Variants in RYR2 observed in about 807,000 individuals in gnomAD.
The protein encoded by RYR2 is ryanodine receptor 2, also known as cardiac muscle ryanodine receptor-calcium release channel.
In RYR2, 227 loss-of-function variants were observed where a neutral mutation model predicts 601.1. The ratio of observed to expected loss-of-function variants is 0.38; its 90% CI spans 0.34 to 0.42. The LOEUF is 0.42. RYR2 is among the 10% of genes least tolerant of loss of function. The probability of loss-of-function intolerance (pLI) is 1.00; values close to 1 mark genes in which losing one functional copy is unlikely to be tolerated. For synonymous variants in RYR2, 2,223 were observed against 2,175.1 expected (o/e 1.02, Z -0.61); for missense variants, 4,646 against 6,156.5 (o/e 0.75, Z 8.21).
Position 237,733,772 on chromosome 1 carries a change from T to G in RYR2, c.11091+16T>G, listed in dbSNP as rs769904090. 2 of 1,529,582 alleles carry G rather than the reference T, an allele frequency of 1.3e-6. No homozygotes were observed. Among genetic ancestry groups the G allele is most frequent in the Non-Finnish European group, 1.8e-6 (2 of 1,104,998 alleles). 94.8% of individuals were successfully genotyped at this position (1,529,582 alleles called of 1,614,324 possible). ...TATGGCAAAGGTAAATAAGTATCCT[T>G]CCTGATTTTCATGTTTAATTTTAAT... On this transcript the variant is annotated intron_variant, in intron 79 of 104. Transcript: ENST00000366574.
intron 1 of RYR2, among the ~76,000 whole-genome samples, chr1:237,154,256 C>A (rs1294732313): frequency 6.6e-6 from 1 of 152,196 alleles, no homozygotes; most frequent in Non-Finnish European, 1.5e-5. Flanking sequence ...TGGTTTGGTA[C>A]TCCATTGTTA....
At chr1:237,573,653 A>G (rs1451964694) in intron 29 of RYR2, among the ~76,000 whole-genome samples, 1 of 150,974 alleles carries the variant, frequency 6.6e-6, no homozygotes, top group East Asian at 2.0e-4. Flanking sequence ...TCTACTAAAA[A>G]TACAAAAAAT....
chr1:237,668,601 A>T (rs1022047692), intron 58 of RYR2, among the ~76,000 whole-genome samples: 2 of 152,206 alleles, frequency 1.3e-5, no homozygotes, highest in African/African-American at 4.8e-5. Flanking sequence ...CTTTCCCCTG[A>T]TAGGAATATA....
At chr1:237,827,627 CAA>C (rs55896893) in intron 101 of RYR2, among the ~76,000 whole-genome samples, 38 of 79,446 alleles carry the variant, frequency 4.8e-4, no homozygotes, top group African/African-American at 1.6e-3. Flanking sequence ...AAGACTGTCT[CAA>C]AAAAAAAAAA....
At position 237,180,494 on chromosome 1, in the gene RYR2, T is replaced by C. The variant is rs950367782; in HGVS notation, c.49-90003T>C. Among the ~76,000 whole-genome samples, 7 of 151,920 alleles carry C rather than the reference T, an allele frequency of 4.6e-5. No individual in the cohort carries two copies. The highest frequency in any genetic ancestry group is 1.5e-4 in the African/African-American group (6 of 41,364). On this transcript the variant is annotated intron_variant, in intron 1 of 104. Coordinates refer to ENST00000366574, the MANE Select transcript of RYR2 (RefSeq NM_001035.3). This position sits in a 1 kb window ranked among gnomAD's most constrained non-coding sequence, Gnocchi z 5.3. ...CCTTGGACACTTTCCCAACTTTTGA[T>C]CTTTCAGTGCAACCCTTCTTTTTCT...
At chr1:237,328,027 G>A (rs571735316) in intron 2 of RYR2, among the ~76,000 whole-genome samples, 1 of 152,302 alleles carries the variant, frequency 6.6e-6, no homozygotes, top group African/African-American at 2.4e-5. Context: ...CTTAGACACT[G>A]CCAAGGGTTG....
At chr1:237,333,477 C>T (rs529352523) in intron 3 of RYR2, 34 of 375,590 alleles carry the variant, frequency 9.1e-5, no homozygotes, top group East Asian at 2.2e-4. Flanking sequence ...GGAGGTAGCC[C>T]GAGCAACGGG....
intron 3 of RYR2, among the ~76,000 whole-genome samples, chr1:237,346,495 T>C (rs1558659727): frequency 6.6e-6 from 1 of 152,184 alleles, no homozygotes; most frequent in Non-Finnish European, 1.5e-5. Context: ...CTTAGTTCTT[T>C]ATTACCTAGT....
At chr1:237,069,425 T>C (rs1414714213) in intron 1 of RYR2, among the ~76,000 whole-genome samples, 1 of 152,130 alleles carries the variant, frequency 6.6e-6, no homozygotes, top group Non-Finnish European at 1.5e-5. Context: ...GCACAGCAAG[T>C]TGGACATTTA....
At chr1:237,656,409 A>G (rs1352903432) in intron 53 of RYR2, among the ~76,000 whole-genome samples, 1 of 152,216 alleles carries the variant, frequency 6.6e-6, no homozygotes, top group African/African-American at 2.4e-5. Context: ...ACTACATCTC[A>G]GCAAGGCCCA....
chr1:237,071,823 C>T lies in RYR2; in HGVS notation c.48+29254C>T, dbSNP rs188098032. ...CTGCCGAGCTGCTCTCAGCCCCACC[C>T]GGCTCCAGCCTTTCTCCCTGAGCTT... On this transcript the variant is annotated intron_variant, in intron 1 of 104. Coordinates refer to ENST00000366574, the MANE Select transcript of RYR2 (RefSeq NM_001035.3). Among the ~76,000 whole-genome samples the T allele has an allele frequency of 2.1e-3, 317 of 152,344 alleles. 1 individual carries two copies. Among genetic ancestry groups the T allele is most frequent in the Middle Eastern group, 6.8e-3 (2 of 294 alleles).
intron 73 of RYR2, among the ~76,000 whole-genome samples, chr1:237,722,582 C>T (rs905761911): frequency 4.6e-5 from 7 of 151,766 alleles, no homozygotes; most frequent in South Asian, 2.1e-4. Flanking sequence ...TACAGGCGCC[C>T]GCCACCACGC....
At chr1:237,109,161 A>G (rs538047479) in intron 1 of RYR2, among the ~76,000 whole-genome samples, 1 of 151,770 alleles carries the variant, frequency 6.6e-6, no homozygotes, top group Non-Finnish European at 1.5e-5. Flanking sequence ...ATGTGTATAT[A>G]TAAAATACAT....
chr1:237,429,578 T>A (rs1404238217), intron 12 of RYR2, among the ~76,000 whole-genome samples: 2 of 152,152 alleles, frequency 1.3e-5, no homozygotes, highest in African/African-American at 4.8e-5. Context: ...ATCCTCCCTT[T>A]CCTGCAGAAA....
At chr1:237,612,282 C>T (rs149688059) in intron 36 of RYR2, among the ~76,000 whole-genome samples, 36 of 152,144 alleles carry the variant, frequency 2.4e-4, no homozygotes, top group South Asian at 4.1e-4. Context: ...GGGCTAGGAG[C>T]GGAACAGGAC....
intron 80 of RYR2, chr1:237,755,198 C>T (rs1016319946): frequency 4.8e-6 from 4 of 839,192 alleles, no homozygotes; most frequent in East Asian, 8.0e-5. Flanking sequence ...TTCTTTTCCC[C>T]CTCCTTTTAG....
rs536533318 is a variant in RYR2, at chr1:237,658,095, T to C, written c.8208+73T>C. ...GTCACTGTTCAAATATTTCTGACCATGACAGTTTTCTGTTTTAAAATGAGA... is the reference window on the plus strand; with the variant it reads ...GTCACTGTTCAAATATTTCTGACCACGACAGTTTTCTGTTTTAAAATGAGA... On this transcript the variant is annotated intron_variant, in intron 54 of 104. Transcript: ENST00000366574. The C allele has an allele frequency of 1.2e-4, 99 of 852,408 alleles. 2 individuals carry two copies. The South Asian group carries it at 1.9e-3, about 16-fold the overall frequency. 52.8% of individuals were successfully genotyped at this position (852,408 alleles called of 1,614,324 possible).
chr1:237,659,046 A>G (rs1365559680), intron 54 of RYR2, among the ~76,000 whole-genome samples: 1 of 152,230 alleles, frequency 6.6e-6, no homozygotes, highest in African/African-American at 2.4e-5. Flanking sequence ...TAGTTCAAGA[A>G]CTAAAATACT....
chr1:237,101,849 TTATTAA>T (rs1320855583), intron 1 of RYR2, among the ~76,000 whole-genome samples: 5 of 152,166 alleles, frequency 3.3e-5, no homozygotes, highest in African/African-American at 1.2e-4. Flanking sequence ...CACTTACTAT[TTATTAA>T]GTATTTCTTC....
Sources: allele counts gnomAD v4.1 joint callset (sites outside exome capture counted in the v4.1 genomes callset), GRCh38; gene constraint gnomAD v4.1.1; non-coding constraint Gnocchi (gnomAD v3.1); transcripts MANE v1.5; gene names NCBI Gene and HGNC (gene_info 2026-07-23, HGNC 2026-07-21).